ZFHX3: variants seen among roughly 807,000 people sequenced by gnomAD.
The protein encoded by ZFHX3 is zinc finger homeobox 3, also known as zinc finger homeobox protein 3.
ZFHX3 carries 42 observed loss-of-function variants against 279.1 expected under a neutral mutation model. The observed-to-expected ratio is 0.15, with a 90% confidence interval of 0.12 to 0.19. ZFHX3 has a LOEUF of 0.19. Among genes scored for constraint, ZFHX3 ranks in the 10% least tolerant of loss-of-function variants. The pLI is 1.00. For missense variants in ZFHX3, 4,981 were observed against 4,754.0 expected (o/e 1.05, Z -1.40); for synonymous variants, 2,293 against 1,957.8 (o/e 1.17, Z -4.52).
intron 2 of ZFHX3, among the ~76,000 whole-genome samples, chr16:73,653,957 G>T (rs966027864): frequency 1.3e-5 from 2 of 152,098 alleles, no homozygotes; most frequent in Non-Finnish European, 1.5e-5. Context: ...GGCCGAGGCG[G>T]GTGGATCACG....
chr16:72,962,565 C>T (rs142863363), intron 1 of ZFHX3, among the ~76,000 whole-genome samples: 111 of 152,306 alleles, frequency 7.3e-4, no homozygotes, highest in Middle Eastern at 6.8e-3. Flanking sequence ...CCTTTCCATG[C>T]GCACCAGCTG....
chr16:73,571,279 C>T (rs1961536327), intron 2 of ZFHX3, among the ~76,000 whole-genome samples: 1 of 151,856 alleles, frequency 6.6e-6, no homozygotes, highest in African/African-American at 2.4e-5. Context: ...TCCTACCTCC[C>T]ATCAAAGATA....
intron 2 of ZFHX3, among the ~76,000 whole-genome samples, chr16:73,478,396 C>A (rs556101793): frequency 2.6e-5 from 4 of 152,076 alleles, no homozygotes; most frequent in Non-Finnish European, 5.9e-5. Context: ...AGGCTTCTTC[C>A]CTGCTAGTTT....
chr16:72,907,273 C>T (rs2039199725), intron 3 of ZFHX3, among the ~76,000 whole-genome samples: 1 of 152,112 alleles, frequency 6.6e-6, no homozygotes, highest in Non-Finnish European at 1.5e-5. Flanking sequence ...GTTCTGGTAG[C>T]ACTGGTATTT....
intron 3 of ZFHX3, among the ~76,000 whole-genome samples, chr16:73,345,513 T>G (rs2016107500): frequency 6.6e-6 from 1 of 152,006 alleles, no homozygotes; most frequent in Non-Finnish European, 1.5e-5. Context: ...GTTCCTGCGT[T>G]AGTTTGCTGA....
chr16:73,140,403 A>G (rs1380328024), intron 6 of ZFHX3, among the ~76,000 whole-genome samples: 5 of 152,028 alleles, frequency 3.3e-5, no homozygotes, highest in African/African-American at 7.2e-5. Context: ...ATATTTTTGG[A>G]CCTCTAATGG....
At chr16:73,350,759 G>T (rs1251319589) in intron 3 of ZFHX3, among the ~76,000 whole-genome samples, 1 of 152,222 alleles carries the variant, frequency 6.6e-6, no homozygotes, top group South Asian at 2.1e-4. Flanking sequence ...TAGAGGCATT[G>T]CTACTCAAGG....
chr16:72,798,806 T>C, intron 8 of ZFHX3, 92 bp from the exon 9 acceptor site: 2 of 1,465,486 alleles, frequency 1.4e-6, no homozygotes, highest in Non-Finnish European at 1.8e-6. Flanking sequence ...TCAGGCCTCA[T>C]GAACACAGAA....
At chr16:73,076,034 A>G (rs1965884100) in intron 8 of ZFHX3, among the ~76,000 whole-genome samples, 1 of 152,202 alleles carries the variant, frequency 6.6e-6, no homozygotes, top group South Asian at 2.1e-4. Flanking sequence ...GGCCCCCAAC[A>G]AATCACTTAA....
chr16:73,389,298 A>G (rs2016963507), intron 3 of ZFHX3: 1 of 152,140 alleles, frequency 6.6e-6, no homozygotes, highest in Non-Finnish European at 1.5e-5. Context: ...CTTTTGCACT[A>G]GAACGGGGTG....
At chr16:73,706,632 A>G (rs1324459897) in intron 1 of ZFHX3, among the ~76,000 whole-genome samples, 1 of 152,138 alleles carries the variant, frequency 6.6e-6, no homozygotes, top group Non-Finnish European at 1.5e-5. Context: ...ATTCGCCTTC[A>G]TGCCCCAGAA....
intron 1 of ZFHX3, among the ~76,000 whole-genome samples, chr16:73,866,072 A>G (rs919255597): frequency 2.0e-5 from 3 of 148,152 alleles, no homozygotes. Flanking sequence ...CTTAAAACAC[A>G]CTTTTTTTGA....
intron 3 of ZFHX3, among the ~76,000 whole-genome samples, chr16:73,351,784 AG>A (rs1345716345): frequency 1.3e-5 from 2 of 152,172 alleles, no homozygotes; most frequent in African/African-American, 4.8e-5. Flanking sequence ...CCAGCCTTCC[AG>A]GGGGGCAGGT....
chr16:73,468,559 A>C (rs2018611244), intron 2 of ZFHX3, among the ~76,000 whole-genome samples: 1 of 152,190 alleles, frequency 6.6e-6, no homozygotes, highest in Non-Finnish European at 1.5e-5. Context: ...AACATGGCGA[A>C]ACCCCATCCC....
intron 4 of ZFHX3, among the ~76,000 whole-genome samples, chr16:72,840,711 C>T (rs1241792272): frequency 6.6e-6 from 1 of 152,208 alleles, no homozygotes; most frequent in African/African-American, 2.4e-5. Context: ...AACAGCTTCA[C>T]CCTTGCGAAG....
intron 5 of ZFHX3, among the ~76,000 whole-genome samples, chr16:73,184,788 G>A (rs66536835): frequency 0.16 from 25,006 of 152,102 alleles, 2,172 homozygotes; most frequent in African/African-American, 0.19. Flanking sequence ...AATGTCAAAC[G>A]TAAACCTGAA....
chr16:72,951,415 C>T (rs952754842), intron 2 of ZFHX3, among the ~76,000 whole-genome samples: 4 of 152,102 alleles, frequency 2.6e-5, no homozygotes, highest in African/African-American at 9.7e-5. Context: ...CACCCACCAC[C>T]ACGGCCAGCT....
At chr16:73,613,041 A>T (rs2052263531) in intron 2 of ZFHX3, among the ~76,000 whole-genome samples, 1 of 152,232 alleles carries the variant, frequency 6.6e-6, no homozygotes, top group Non-Finnish European at 1.5e-5. Flanking sequence ...ATAAGATATC[A>T]AGCTGGAGGA....
At chr16:73,523,359 G>T (rs948136548) in intron 2 of ZFHX3, among the ~76,000 whole-genome samples, 1 of 152,148 alleles carries the variant, frequency 6.6e-6, no homozygotes, top group Non-Finnish European at 1.5e-5. Flanking sequence ...CTCATGACCA[G>T]ATGTGACCTC....
Sources: gnomAD v4.1 joint callset for allele counts (sites outside exome capture counted in the v4.1 genomes callset) on GRCh38, gnomAD v4.1.1 for gene constraint, MANE v1.5 for transcripts, NCBI Gene and HGNC (gene_info 2026-07-23, HGNC 2026-07-21) for gene names.